Variants in TSPAN5 observed in about 807,000 individuals in gnomAD.
The protein encoded by TSPAN5 is tetraspanin-5.
TSPAN5 carries 10 observed loss-of-function variants against 37.1 expected under a neutral mutation model. The observed-to-expected ratio is 0.27, with a 90% CI of 0.17 to 0.46. The LOEUF (loss-of-function observed/expected upper bound fraction) is 0.46. TSPAN5 is among the 20% of genes least tolerant of loss of function. The pLI is 1.00. For synonymous variants in TSPAN5, 110 were observed against 118.9 expected (o/e 0.93, Z 0.48); for missense variants, 195 against 326.6 (o/e 0.60, Z 3.11).
chr4:98,558,396 G>C (rs1754797618), intron 1 of TSPAN5, among the ~76,000 whole-genome samples: 1 of 152,176 alleles, frequency 6.6e-6, no homozygotes, highest in African/African-American at 2.4e-5. Context: ...ATCTCAATCT[G>C]CTGGCTAAGT....
At chr4:98,554,606 C>A (rs1754697269) in intron 1 of TSPAN5, among the ~76,000 whole-genome samples, 1 of 152,180 alleles carries the variant, frequency 6.6e-6, no homozygotes, top group Non-Finnish European at 1.5e-5. Context: ...ACCATATTAT[C>A]TTTATTTCTA....
At chr4:98,610,829 C>T (rs906364756) in intron 1 of TSPAN5, among the ~76,000 whole-genome samples, 4 of 152,102 alleles carry the variant, frequency 2.6e-5, no homozygotes, top group African/African-American at 4.8e-5. Context: ...GTCAGTGCCC[C>T]GGCATCCTCC....
chr4:98,586,805 A>G (rs1755498975), intron 1 of TSPAN5, among the ~76,000 whole-genome samples: 1 of 152,248 alleles, frequency 6.6e-6, no homozygotes, highest in Non-Finnish European at 1.5e-5. Flanking sequence ...AATAGCGTGC[A>G]CATGCACCCT....
intron 1 of TSPAN5, among the ~76,000 whole-genome samples, chr4:98,636,187 G>A (rs938725107): frequency 6.6e-5 from 10 of 152,192 alleles, no homozygotes; most frequent in African/African-American, 2.2e-4. Context: ...GCATAATGTG[G>A]CAGTTCTCCA....
rs116166061 is a variant in TSPAN5 at position 98,606,004 on chromosome 4, T to G, written c.81+52142A>C. 2.3e-3 allele frequency among the ~76,000 whole-genome samples: 357 copies of G among 152,344 alleles called. 5 individuals are homozygous for G. The highest frequency in any genetic ancestry group is 8.0e-3 in the African/African-American group (334 of 41,578). ...GTTTTCTCTGTCTATGGCATCTGTA[T>G]GCACACGGCACATTTCTCCAAAAGG... On this transcript the variant is annotated intron_variant, in intron 1 of 7. Coordinates refer to ENST00000305798, the MANE Select transcript of TSPAN5 (RefSeq NM_005723.4).
At chr4:98,626,755 C>T (rs1345088385) in intron 1 of TSPAN5, among the ~76,000 whole-genome samples, 1 of 152,106 alleles carries the variant, frequency 6.6e-6, no homozygotes, top group Non-Finnish European at 1.5e-5. Context: ...CTGCCCATCC[C>T]TTTTCCTGCC....
intron 3 of TSPAN5, 121 bp downstream of exon 3, chr4:98,486,617 T>C (rs1437084916): frequency 6.4e-6 from 7 of 1,100,658 alleles, no homozygotes; most frequent in Non-Finnish European, 9.5e-6. Context: ...AATAATGACC[T>C]GGGCCCTACT....
intron 1 of TSPAN5, among the ~76,000 whole-genome samples, chr4:98,509,125 T>G (rs896156626): frequency 1.3e-5 from 2 of 152,186 alleles, no homozygotes; most frequent in Non-Finnish European, 2.9e-5. Flanking sequence ...TCAATTTCCT[T>G]TCCAAACACT....
chr4:98,491,842 T>C (rs1406176899), intron 2 of TSPAN5, among the ~76,000 whole-genome samples: 1 of 152,128 alleles, frequency 6.6e-6, no homozygotes, highest in African/African-American at 2.4e-5. Context: ...GACAGATGAG[T>C]AAGAAGTGCT....
At chr4:98,581,954 T>C in intron 1 of TSPAN5, among the ~76,000 whole-genome samples, 1 of 152,126 alleles carries the variant, frequency 6.6e-6, no homozygotes, top group East Asian at 1.9e-4. Flanking sequence ...TGCCCCCGAA[T>C]GTGTTCAGAG....
rs532508134 is a variant in TSPAN5, at chr4:98,472,476, G to A, written c.*46C>T. On this transcript the variant is annotated 3_prime_UTR_variant, in exon 8 of 8. Transcript: ENST00000305798. ...TCAGTTCGGCACGCGGGAGGGTCCC[G>A]AAAGCTGGGTCTGTCCAGTGTCTTG... The A allele has an allele frequency of 1.5e-5, 24 of 1,593,186 alleles. No individual in the cohort carries two copies. Among genetic ancestry groups the A allele is most frequent in the East Asian group, 6.7e-5 (3 of 44,546 alleles).
intron 1 of TSPAN5, among the ~76,000 whole-genome samples, chr4:98,616,975 C>G (rs1019225717): frequency 6.6e-6 from 1 of 151,568 alleles, no homozygotes; most frequent in Admixed American, 6.6e-5. Flanking sequence ...AAGTGTGCAC[C>G]ACCATGCCTG....
At chr4:98,495,489 G>A (rs1220306649) in intron 2 of TSPAN5, among the ~76,000 whole-genome samples, 13 of 141,570 alleles carry the variant, frequency 9.2e-5, no homozygotes, top group Admixed American at 1.5e-4. Context: ...CTGAGACTGC[G>A]AAACTGCACT....
At chr4:98,513,599 T>G (rs1753661744) in intron 1 of TSPAN5, among the ~76,000 whole-genome samples, 2 of 152,104 alleles carry the variant, frequency 1.3e-5, no homozygotes, top group Admixed American at 6.5e-5. Flanking sequence ...TGCCTACATT[T>G]CTGGCATCTT....
chr4:98,577,013 G>A (rs764941372), intron 1 of TSPAN5, among the ~76,000 whole-genome samples: 1 of 152,018 alleles, frequency 6.6e-6, no homozygotes, highest in South Asian at 2.1e-4. Context: ...TGCCCACCTC[G>A]GCCTCCCAAA....
At chr4:98,586,417 T>G (rs1755485468) in intron 1 of TSPAN5, among the ~76,000 whole-genome samples, 1 of 152,172 alleles carries the variant, frequency 6.6e-6, no homozygotes, top group South Asian at 2.1e-4. Context: ...CCTTGTGTAA[T>G]TTCTGAGCCA....
intron 1 of TSPAN5, among the ~76,000 whole-genome samples, chr4:98,598,170 G>A (rs1579018998): frequency 2.2e-5 from 3 of 137,676 alleles, no homozygotes; most frequent in South Asian, 4.9e-4. Context: ...TCTGAAAAGC[G>A]CAATATTCGG....
chr4:98,561,667 C>T (rs1268124739), intron 1 of TSPAN5, among the ~76,000 whole-genome samples: 1 of 152,208 alleles, frequency 6.6e-6, no homozygotes, highest in Non-Finnish European at 1.5e-5. Flanking sequence ...GAAGAAAATA[C>T]ATGACACATT....
At chr4:98,566,436 G>C (rs1755006367) in intron 1 of TSPAN5, among the ~76,000 whole-genome samples, 2 of 152,118 alleles carry the variant, frequency 1.3e-5, no homozygotes, top group African/African-American at 4.8e-5. Context: ...CTTTGCATTA[G>C]AAAAAGATGG....
Sources: allele counts gnomAD v4.1 joint callset (sites outside exome capture counted in the v4.1 genomes callset), GRCh38; gene constraint gnomAD v4.1.1; transcripts MANE v1.5; gene names NCBI Gene and HGNC (gene_info 2026-07-23, HGNC 2026-07-21).